Variants in NTRK2 observed in about 807,000 individuals in gnomAD.
NTRK2 encodes the protein BDNF/NT-3 growth factors receptor.
Under a neutral mutation model 94.5 loss-of-function variants are expected in NTRK2, and 13 were observed. The ratio of observed to expected loss-of-function variants is 0.14; its 90% confidence interval spans 0.09 to 0.22. The LOEUF (loss-of-function observed/expected upper bound fraction) is 0.22, where lower values mean the gene tolerates loss of function less well. Ranked by LOEUF, NTRK2 falls within the 10% of genes least tolerant of loss-of-function variation. The pLI is 1.00. For synonymous variants in NTRK2, 372 were observed against 407.4 expected (o/e 0.91, Z 1.05); for missense variants, 639 against 1,071.2 (o/e 0.60, Z 5.63).
chr9:84,762,091 C>G (rs2065629320), intron 12 of NTRK2, among the ~76,000 whole-genome samples: 1 of 152,164 alleles, frequency 6.6e-6, no homozygotes. Flanking sequence ...TAAGAAGTCT[C>G]TTTGCTCTTC....
intron 6 of NTRK2, among the ~76,000 whole-genome samples, chr9:84,711,093 C>G (rs923387679): frequency 6.6e-6 from 1 of 152,192 alleles, no homozygotes; most frequent in Non-Finnish European, 1.5e-5. Context: ...ATTTATCCAC[C>G]CATCCATCTG....
At chr9:84,962,014 A>G (rs1036227209) in intron 17 of NTRK2, among the ~76,000 whole-genome samples, 1 of 152,240 alleles carries the variant, frequency 6.6e-6, no homozygotes, top group African/African-American at 2.4e-5. Context: ...TTCTGAGGCT[A>G]TCAAAATACG....
At chr9:84,673,227 T>C (rs1448190183) in intron 2 of NTRK2, among the ~76,000 whole-genome samples, 1 of 152,196 alleles carries the variant, frequency 6.6e-6, no homozygotes, top group East Asian at 1.9e-4. Flanking sequence ...TTATTTTGAA[T>C]TCTGCTTTTT....
At chr9:84,945,771 C>G (rs1351392998) in intron 15 of NTRK2, among the ~76,000 whole-genome samples, 1 of 152,218 alleles carries the variant, frequency 6.6e-6, no homozygotes, top group Non-Finnish European at 1.5e-5. Context: ...ATGGCAACAG[C>G]CCCATCGAAG....
intron 14 of NTRK2, among the ~76,000 whole-genome samples, chr9:84,912,749 C>T (rs1241166343): frequency 1.3e-5 from 2 of 151,348 alleles, no homozygotes; most frequent in Admixed American, 1.3e-4. Context: ...TCCCAAGTAG[C>T]TGCGACTACA....
chr9:84,989,012 A>G (rs1828711672), intron 17 of NTRK2, among the ~76,000 whole-genome samples: 1 of 152,242 alleles, frequency 6.6e-6, no homozygotes, highest in African/African-American at 2.4e-5. Flanking sequence ...TGGAGCTGGA[A>G]GAGAAACAAC....
chr9:84,874,448 T>C, intron 14 of NTRK2: 1 of 1,065,932 alleles, frequency 9.4e-7, no homozygotes, highest in Non-Finnish European at 1.1e-6. Context: ...GCTGGGCTTC[T>C]TCTCAGATTA....
chr9:84,920,478 C>T (rs1436620502), intron 14 of NTRK2, among the ~76,000 whole-genome samples: 1 of 152,158 alleles, frequency 6.6e-6, no homozygotes, highest in African/African-American at 2.4e-5. Context: ...AGTTGTCCCT[C>T]CTTTGTGCTT....
intron 12 of NTRK2, among the ~76,000 whole-genome samples, chr9:84,778,796 C>G (rs77188357): frequency 3.9e-5 from 6 of 152,190 alleles, no homozygotes; most frequent in Non-Finnish European, 8.8e-5. Context: ...TCACGGACAC[C>G]GTGCAATGTC....
In NTRK2 at chr9:85,022,516, C is replaced by T; in HGVS notation, c.*1079C>T. 4.3e-6 allele frequency: 1 copy of T among 233,268 alleles called. No homozygotes were observed. Among genetic ancestry groups the T allele is most frequent in the East Asian group, 6.0e-5 (1 of 16,584 alleles). The allele number at this position is 233,268 out of a possible 1,614,324, so 14.4% of individuals were successfully genotyped here. A position where few individuals can be genotyped will look rare whatever the true frequency, so the allele number is the denominator to read the frequency against. On this transcript the variant is annotated 3_prime_UTR_variant, in exon 19 of 19. Coordinates refer to ENST00000277120, the MANE Select transcript of NTRK2 (RefSeq NM_006180.6). The stretch of plus-strand genomic sequence containing the variant: ...AGCCAAGAACTTGGAAAAGATAAGA[C>T]AAGCTATAAATTCGGAGGCAAGTTT...
intron 10 of NTRK2, among the ~76,000 whole-genome samples, chr9:84,744,391 C>T (rs1167642876): frequency 5.3e-5 from 8 of 152,100 alleles, no homozygotes; most frequent in Non-Finnish European, 8.8e-5. Context: ...TACGTGTGGA[C>T]CCAAGTTTCA....
intron 12 of NTRK2, among the ~76,000 whole-genome samples, chr9:84,834,027 G>T (rs114154845): frequency 1.3e-5 from 2 of 152,056 alleles, no homozygotes; most frequent in African/African-American, 4.8e-5. Context: ...CACTACAATC[G>T]CCATAGCCAC....
intron 11 of NTRK2, among the ~76,000 whole-genome samples, chr9:84,746,621 C>G (rs1342690603): frequency 6.6e-6 from 1 of 152,114 alleles, no homozygotes; most frequent in Non-Finnish European, 1.5e-5. Flanking sequence ...CTTATGAGCC[C>G]TGGGTGACCT....
At position 84,806,817 on chromosome 9, in the gene NTRK2, G is replaced by A. The variant is rs1365150661; in HGVS notation, c.1397-54223G>A. Among the ~76,000 whole-genome samples the A allele has an allele frequency of 1.5e-4, 23 of 152,252 alleles. 1 individual carries two copies. Among genetic ancestry groups the A allele is most frequent in the Admixed American group, 1.5e-3 (23 of 15,288 alleles). Reference sequence around the variant, plus strand: ...CTCACATCTCACTTTGTGATGGAAAGTTTTTGAACCCACTGTATTCTAGAC... The same window carrying A: ...CTCACATCTCACTTTGTGATGGAAAATTTTTGAACCCACTGTATTCTAGAC... On this transcript the variant is annotated intron_variant, in intron 12 of 18. Coordinates refer to ENST00000277120, the MANE Select transcript of NTRK2 (RefSeq NM_006180.6).
intron 12 of NTRK2, among the ~76,000 whole-genome samples, chr9:84,857,232 A>G (rs1197280352): frequency 6.6e-6 from 1 of 152,128 alleles, no homozygotes; most frequent in African/African-American, 2.4e-5. Context: ...CTTCAACATG[A>G]GATGGATTTA....
chr9:84,792,309 C>G (rs964223844), intron 12 of NTRK2, among the ~76,000 whole-genome samples: 1 of 152,136 alleles, frequency 6.6e-6, no homozygotes, highest in African/African-American at 2.4e-5. Context: ...GGACTTTATC[C>G]TGTTCATAAA....
At chr9:84,870,126 T>TATATACAC (rs774255186) in intron 14 of NTRK2, among the ~76,000 whole-genome samples, 20 of 95,650 alleles carry the variant, frequency 2.1e-4, no homozygotes, top group African/African-American at 7.7e-4. Context: ...TATATATATA[T>TATATACAC]ACACACACAC....
At chr9:84,995,793 G>T (rs1380567228) in intron 17 of NTRK2, among the ~76,000 whole-genome samples, 1 of 152,166 alleles carries the variant, frequency 6.6e-6, no homozygotes, top group African/African-American at 2.4e-5. Flanking sequence ...GAAACTCGAG[G>T]TCAGGTCCAA....
chr9:84,899,497 C>T (rs1011591019), intron 14 of NTRK2, among the ~76,000 whole-genome samples: 2 of 152,208 alleles, frequency 1.3e-5, no homozygotes, highest in Admixed American at 6.5e-5. Context: ...GGCACCTGCC[C>T]TCCCACCAGC....
Sources: gnomAD v4.1 joint callset for allele counts (sites outside exome capture counted in the v4.1 genomes callset) on GRCh38, gnomAD v4.1.1 for gene constraint, MANE v1.5 for transcripts, NCBI Gene and HGNC (gene_info 2026-07-23, HGNC 2026-07-21) for gene names.